SALL4: variants seen among roughly 807,000 people sequenced by gnomAD.
SALL4 encodes sal-like protein 4.
SALL4 carries 4 observed loss-of-function variants against 60.8 expected under a neutral mutation model. The ratio of observed to expected loss-of-function variants is 0.07; its 90% CI spans 0.03 to 0.15. The LOEUF is 0.15. SALL4 is among the 10% of genes least tolerant of loss of function. SALL4 has a pLI of 1.00. For synonymous variants in SALL4, 580 were observed against 574.9 expected (o/e 1.01, Z -0.13); for missense variants, 1,178 against 1,394.7 (o/e 0.84, Z 2.48).
chr20:51,783,328 G>GTTT lies in SALL4; in HGVS notation c.*936_*937insAAA, dbSNP rs1464616060. 6.6e-6 allele frequency: 1 copy of GTTT among 152,086 alleles called. No individual in the cohort carries two copies. The highest frequency in any genetic ancestry group is 1.9e-4 in the East Asian group (1 of 5,186). The allele number at this position is 152,086 out of a possible 1,614,324, so 9.4% of individuals were successfully genotyped here. A position where few individuals can be genotyped will look rare whatever the true frequency, so the allele number is the denominator to read the frequency against. ...ACACATTGACTCCCTAAGGACTAACGTAAGTCCATTTGAGGGCCTCCTACT... is the reference window on the plus strand; with the variant it reads ...ACACATTGACTCCCTAAGGACTAACGTTTTAAGTCCATTTGAGGGCCTCCTACT... On this transcript the variant is annotated 3_prime_UTR_variant, in exon 4 of 4. Coordinates refer to ENST00000217086, the MANE Select transcript of SALL4 (RefSeq NM_020436.5).
Position 51,790,222 on chromosome 20 carries a change from A to G in SALL4, c.2261T>C (p.Val754Ala), listed in dbSNP as rs2078025565. 1.2e-6 allele frequency: 2 copies of G among 1,613,950 alleles called. No homozygotes were observed. The highest frequency in any genetic ancestry group is 1.7e-6 in the Non-Finnish European group (2 of 1,180,012). Residue 754 changes from valine (V) to alanine (A), a missense_variant, in exon 2 of 4, where the codon GTG becomes GCG. Transcript: ENST00000217086. The surrounding 1 kb of genome is among the most constrained non-coding windows in gnomAD (Gnocchi z 5.5). The part of the protein sequence containing the change: ...QRQGSRENGS[V>A]ESDGLTNDSS... ...GTCGTTGGTCAAGCCATCGCTCTCC[A>G]CGGAACCGTTTTCTCTGCTGCCCTG...
chr20:51,802,353 C>T lies in SALL4; in HGVS notation c.56G>A (p.Gly19Asp). 1 of 1,610,994 alleles carries T rather than the reference C, an allele frequency of 6.2e-7. No homozygotes were observed. Among genetic ancestry groups the T allele is most frequent in the Non-Finnish European group, 8.5e-7 (1 of 1,179,796 alleles). ...GGTCTGCTGCTGCGGCTGCTGCTCGCCCTGGTCCTCCTCCGAGTTGATGTG... is the reference window on the plus strand; with the variant it reads ...GGTCTGCTGCTGCGGCTGCTGCTCGTCCTGGTCCTCCTCCGAGTTGATGTG... Reference protein sequence around the residue: ...PQHINSEEDQGEQQPQQQTPE... With the variant: ...PQHINSEEDQDEQQPQQQTPE... The change falls in exon 1 of 4, where the codon GGC becomes GAC. Residue 19 changes from glycine to aspartate, a missense_variant. By Grantham distance (94) the Gly-to-Asp change is moderately conservative (BLOSUM62 -1). Around this residue, in one of 5 missense-constraint regions of SALL4, gnomAD observed 108 missense variants for 95.7 expected, o/e 1.13. Transcript: ENST00000217086.
chr20:51,797,491 G>A (rs1341072754), intron 1 of SALL4: 1 of 152,046 alleles, frequency 6.6e-6, no homozygotes, highest in Non-Finnish European at 1.5e-5. Flanking sequence ...CATCCCACTT[G>A]ACTCTTAAAA....
Position 51,788,473 on chromosome 20 carries a change from G to A in SALL4, c.2742+388C>T, listed in dbSNP as rs1300863088. 6.6e-6 allele frequency among the ~76,000 whole-genome samples: 1 copy of A among 151,994 alleles called. No individual in the cohort carries two copies. The highest frequency in any genetic ancestry group is 1.9e-4 in the East Asian group (1 of 5,178). On this transcript the variant is annotated intron_variant, in intron 3 of 3. Coordinates refer to ENST00000217086, the MANE Select transcript of SALL4 (RefSeq NM_020436.5). This position sits in a 1 kb window ranked among gnomAD's most constrained non-coding sequence, Gnocchi z 4.1. ...TGGGAGGCCGAGGCAGGCGGATCAC[G>A]AGATCAGGAGATCGAGACCATCCTG...
rs1183960969 is a variant in SALL4, at chr20:51,792,288, C to G, written c.195G>C (p.Arg65=). 2 of 1,610,858 alleles carry G rather than the reference C, an allele frequency of 1.2e-6. No individual in the cohort carries two copies. Among genetic ancestry groups the G allele is most frequent in the Non-Finnish European group, 8.5e-7 (1 of 1,180,028 alleles). ...VASEDEATVK[R]LRREETHVCE... ...AGACGTGCGTCTCCTCCCGACGAAG[C>G]CGCTTTACTGTGGCTTCATCCTCAC... The change falls in exon 2 of 4, where the codon CGG becomes CGC. Residue 65 remains arginine, a synonymous_variant. Transcript: ENST00000217086.
In SALL4 at chr20:51,790,407, A is replaced by G. The variant is rs769571672; in HGVS notation, c.2076T>C (p.Asp692=). ...ICHDDVIESI[D]VEEVSSQEAP... ...CCTCCTGGGAGCTGACTTCCTCTACATCGATGCTTTCGATGACATCATCAT... is the reference window on the plus strand; with the variant it reads ...CCTCCTGGGAGCTGACTTCCTCTACGTCGATGCTTTCGATGACATCATCAT... The change falls in exon 2 of 4, where the codon GAT becomes GAC. Residue 692 remains aspartate, a synonymous_variant. Coordinates refer to ENST00000217086, the MANE Select transcript of SALL4 (RefSeq NM_020436.5). This position sits in a 1 kb window ranked among gnomAD's most constrained non-coding sequence, Gnocchi z 5.5. 3.7e-6 allele frequency: 6 copies of G among 1,614,010 alleles called. No individual in the cohort carries two copies. Among genetic ancestry groups the G allele is most frequent in the Non-Finnish European group, 5.1e-6 (6 of 1,180,008 alleles).
chr20:51,796,067 C>T (rs975065001), intron 1 of SALL4, among the ~76,000 whole-genome samples: 5 of 151,632 alleles, frequency 3.3e-5, no homozygotes, highest in Admixed American at 2.6e-4. Flanking sequence ...TGATGGTGTG[C>T]GCATCGCTGG....
At chr20:51,797,301 T>G (rs1478401388) in intron 1 of SALL4, 3 of 152,010 alleles carry the variant, frequency 2.0e-5, no homozygotes, top group Non-Finnish European at 2.9e-5. Flanking sequence ...TCAATGCAAT[T>G]TATTTCCTTG....
At chr20:51,799,711 A>C (rs2078098744) in intron 1 of SALL4, among the ~76,000 whole-genome samples, 1 of 152,214 alleles carries the variant, frequency 6.6e-6, no homozygotes, top group Non-Finnish European at 1.5e-5. Context: ...AAACTTGGGA[A>C]TCCTAATCGT....
chr20:51,784,050 T>G lies in SALL4; in HGVS notation c.*215A>C. Reference sequence around the variant, plus strand: ...AAAAGAGTCTGTATTTGTTTTGGTATGCATTTTTTTTTTATTTTTTCAACT... The same window carrying G: ...AAAAGAGTCTGTATTTGTTTTGGTAGGCATTTTTTTTTTATTTTTTCAACT... On this transcript the variant is annotated 3_prime_UTR_variant, in exon 4 of 4. Transcript: ENST00000217086. 1 of 600,498 alleles carries G rather than the reference T, an allele frequency of 1.7e-6. No individual in the cohort carries two copies. The highest frequency in any genetic ancestry group is 1.9e-5 in the African/African-American group (1 of 53,736). The allele number at this position is 600,498 out of a possible 1,614,324, so 37.2% of individuals were successfully genotyped here.
chr20:51,784,104 G>C lies in SALL4; in HGVS notation c.*161C>G. 1.3e-6 allele frequency: 1 copy of C among 781,100 alleles called. No homozygotes were observed. Among genetic ancestry groups the C allele is most frequent in the Non-Finnish European group, 2.1e-6 (1 of 478,956 alleles). 48.4% of individuals were successfully genotyped at this position (781,100 alleles called of 1,614,324 possible). On this transcript the variant is annotated 3_prime_UTR_variant, in exon 4 of 4. Coordinates refer to ENST00000217086, the MANE Select transcript of SALL4 (RefSeq NM_020436.5). ...TGCAAAGCAGCATAGCAACAATCGT[G>C]ATTGTAGCACTTGCCTGAGGTTGTG...
rs2077967146 is a variant in SALL4 at position 51,783,414 on chromosome 20, T to C, written c.*851A>G. On this transcript the variant is annotated 3_prime_UTR_variant, in exon 4 of 4. Transcript: ENST00000217086. ...CAACCCTAGTTTTTTGTTGTTCCTT[T>C]TTTAAGTACATTCAAAAAAAAACAA... 1 of 150,604 alleles carries C rather than the reference T, an allele frequency of 6.6e-6. No individual in the cohort carries two copies. The highest frequency in any genetic ancestry group is 1.5e-5 in the Non-Finnish European group (1 of 67,962). The allele number at this position is 150,604 out of a possible 1,614,324, so 9.3% of individuals were successfully genotyped here. A position where few individuals can be genotyped will look rare whatever the true frequency, so the allele number is the denominator to read the frequency against.
chr20:51,794,001 C>A (rs6067939), intron 1 of SALL4, among the ~76,000 whole-genome samples: 9,233 of 152,218 alleles, frequency 0.061, 375 homozygotes, highest in African/African-American at 0.11. Context: ...AGTCGGCACA[C>A]CCCTAAGAAA....
chr20:51,785,717 C>G (rs373820503), intron 3 of SALL4, among the ~76,000 whole-genome samples: 7 of 151,812 alleles, frequency 4.6e-5, no homozygotes, highest in Non-Finnish European at 1.5e-5. Context: ...AATCTCGGCT[C>G]GCTGCAACCT....
intron 1 of SALL4, among the ~76,000 whole-genome samples, chr20:51,796,196 C>CAAAAAAAAAAAAA (rs11474910): frequency 2.2e-5 from 2 of 90,578 alleles, no homozygotes; most frequent in Non-Finnish European, 4.3e-5. Flanking sequence ...AAGACTGTCT[C>CAAAAAAAAAAAAA]AAAAAAAAAA....
intron 1 of SALL4, among the ~76,000 whole-genome samples, chr20:51,796,154 G>T: frequency 7.0e-6 from 1 of 142,086 alleles, no homozygotes; most frequent in Admixed American, 7.5e-5. Context: ...AGCCGAGATT[G>T]CGCCACTGCA....
chr20:51,799,332 TGAAAGTCACACAGCC>T (rs2078096907), intron 1 of SALL4, among the ~76,000 whole-genome samples: 2 of 152,136 alleles, frequency 1.3e-5, no homozygotes, highest in Non-Finnish European at 2.9e-5. Context: ...GTTACACAGC[TGAAAGTCACACAGCC>T]ACAGTGGAAC....
intron 1 of SALL4, among the ~76,000 whole-genome samples, chr20:51,793,293 C>A (rs2078060661): frequency 6.6e-6 from 1 of 151,884 alleles, no homozygotes; most frequent in South Asian, 2.1e-4. Context: ...TTGAAACCAG[C>A]AACACAGTGA....
At position 51,791,077 on chromosome 20, in the gene SALL4, C is replaced by A. The variant is rs1375078531; in HGVS notation, c.1406G>T (p.Ser469Ile). ...LSVPDPIDEPSLSLDSKPVLV... is the reference protein window; with the variant it reads ...LSVPDPIDEPILSLDSKPVLV... Reference sequence around the variant, plus strand: ...GACAGGTTTGCTGTCTAAAGAAAGACTCGGTTCATCTATGGGGTCAGGTAC... The same window carrying A: ...GACAGGTTTGCTGTCTAAAGAAAGAATCGGTTCATCTATGGGGTCAGGTAC... The change falls in exon 2 of 4, where the codon AGT becomes ATT. Residue 469 changes from serine (S) to isoleucine (I), a missense_variant. Physicochemically the swap from Ser to Ile is moderately radical, Grantham distance 142. Transcript: ENST00000217086. The surrounding 1 kb of genome is among the most constrained non-coding windows in gnomAD (Gnocchi z 4.6). The A allele has an allele frequency of 1.9e-6, 3 of 1,614,044 alleles. No homozygotes were observed. In the African/African-American group the frequency reaches 4.0e-5, roughly 22 times the overall value.
Sources: gnomAD v4.1 joint callset for allele counts (sites outside exome capture counted in the v4.1 genomes callset) on GRCh38, gnomAD v4.1.1 for gene constraint, gnomAD v4.1.1 regional missense constraint, Gnocchi (gnomAD v3.1) non-coding constraint, MANE v1.5 for transcripts, NCBI Gene and HGNC (gene_info 2026-07-23, HGNC 2026-07-21) for gene names.